Variants in RPL22 observed in about 807,000 individuals in gnomAD.
The protein encoded by RPL22 is ribosomal protein L22.
Under a neutral mutation model 16.2 loss-of-function variants are expected in RPL22, and 4 were observed. The observed-to-expected ratio is 0.25, with a 90% CI of 0.12 to 0.57. The LOEUF (loss-of-function observed/expected upper bound fraction) is 0.57, where lower values mean the gene tolerates loss of function less well. RPL22 is among the 20% of genes least tolerant of loss of function. The probability of loss-of-function intolerance (pLI) is 0.92; values close to 1 mark genes in which losing one functional copy is unlikely to be tolerated. For synonymous variants in RPL22, 43 were observed against 54.8 expected (o/e 0.78, Z 0.95); for missense variants, 83 against 156.1 (o/e 0.53, Z 2.49).
rs1667619210 is a variant in RPL22, at chr1:6,189,249, G to GCAATCA, written c.243-2434_243-2433insTGATTG. 4.7e-5 allele frequency among the ~76,000 whole-genome samples: 6 copies of GCAATCA among 128,612 alleles called. No individual in the cohort carries two copies. The Admixed American group carries it at 4.8e-4, about 10-fold the overall frequency. The allele number at this position is 128,612 out of a possible 152,430, so 84.4% of individuals were successfully genotyped here. A position where few individuals can be genotyped will look rare whatever the true frequency, so the allele number is the denominator to read the frequency against. Reference sequence around the variant, plus strand: ...CAATCTCCACACCAACAAAGCAATCGCCACAAAGTGTGAAGATCTCAATTC... The same window carrying GCAATCA: ...CAATCTCCACACCAACAAAGCAATCGCAATCACCACAAAGTGTGAAGATCTCAATTC... On this transcript the variant is annotated intron_variant, in intron 3 of 3. Transcript: ENST00000234875.
intron 1 of RPL22, chr1:6,199,240 G>T: frequency 2.5e-6 from 1 of 398,124 alleles, no homozygotes; most frequent in Non-Finnish European, 4.1e-6. Context: ...CTCCACCCAG[G>T]TAATCAGGCC....
At chr1:6,199,352 C>T in intron 1 of RPL22, 1 of 1,307,444 alleles carries the variant, frequency 7.6e-7, no homozygotes, top group Admixed American at 3.4e-5. Flanking sequence ...CGAGACCTCC[C>T]GGATCTCCCT....
intron 3 of RPL22, 130 bp downstream of exon 3, chr1:6,192,800 G>T: frequency 9.2e-7 from 1 of 1,091,978 alleles, no homozygotes. Context: ...ACTGCCTCCT[G>T]CACTGAGCAT....
intron 2 of RPL22, 152 bp from the exon 3 acceptor site, chr1:6,193,206 C>T (rs915977959): frequency 6.9e-6 from 6 of 864,682 alleles, no homozygotes; most frequent in Non-Finnish European, 9.0e-6. Context: ...ACTGCAGTCT[C>T]AACCTCCCAA....
At chr1:6,190,586 G>A (rs1428511829) in intron 3 of RPL22, among the ~76,000 whole-genome samples, 1 of 152,098 alleles carries the variant, frequency 6.6e-6, no homozygotes, top group African/African-American at 2.4e-5. Context: ...CTCCATGTTG[G>A]TCAGCTGGTC....
At chr1:6,196,912 G>A (rs1238123601) in intron 2 of RPL22, among the ~76,000 whole-genome samples, 3 of 152,216 alleles carry the variant, frequency 2.0e-5, no homozygotes, top group Non-Finnish European at 4.4e-5. Context: ...TCAAAGCAGT[G>A]AGACCCAGGA....
chr1:6,190,482 G>C (rs547471742), intron 3 of RPL22, among the ~76,000 whole-genome samples: 1 of 152,302 alleles, frequency 6.6e-6, no homozygotes, highest in South Asian at 2.1e-4. Context: ...CCTGGTTCAA[G>C]CAATTCTCCT....
chr1:6,194,313 A>G (rs1216498725), intron 2 of RPL22, among the ~76,000 whole-genome samples: 1 of 152,222 alleles, frequency 6.6e-6, no homozygotes, highest in Non-Finnish European at 1.5e-5. Context: ...ATCAGAAAAT[A>G]AGCCTTCAAC....
chr1:6,187,506 CA>C lies in RPL22; in HGVS notation c.243-691del, dbSNP rs1667597168. ...CTGGGCGCCTGTAGTCCCAGCTAGTCAGGAGGCTGAGGTAAGAGAATCGCTT... is the reference window on the plus strand; with the variant it reads ...CTGGGCGCCTGTAGTCCCAGCTAGTCGGAGGCTGAGGTAAGAGAATCGCTT... On this transcript the variant is annotated intron_variant, in intron 3 of 3. Coordinates refer to ENST00000234875, the MANE Select transcript of RPL22 (RefSeq NM_000983.4). 3.3e-5 allele frequency among the ~76,000 whole-genome samples: 5 copies of C among 149,760 alleles called. No individual in the cohort carries two copies. The Admixed American group carries it at 3.4e-4, about 10-fold the overall frequency.
chr1:6,186,607 AACC>A lies in RPL22; in HGVS notation c.*62_*64del. ...TCCACACTGCAGAGATACAAGGATA[AACC>A]ACCATTTTGGTTCCCAAGTTTTATT... On this transcript the variant is annotated 3_prime_UTR_variant, in exon 4 of 4. Coordinates refer to ENST00000234875, the MANE Select transcript of RPL22 (RefSeq NM_000983.4). The A allele has an allele frequency of 8.9e-7, 1 of 1,118,664 alleles. No homozygotes were observed. The highest frequency in any genetic ancestry group is 1.3e-6 in the Non-Finnish European group (1 of 794,690). The allele number at this position is 1,118,664 out of a possible 1,614,324, so 69.3% of individuals were successfully genotyped here.
chr1:6,189,937 T>C (rs78000590), intron 3 of RPL22, among the ~76,000 whole-genome samples: 19,910 of 151,928 alleles, frequency 0.13, 2,118 homozygotes, highest in African/African-American at 0.29. Flanking sequence ...TATAAATAAA[T>C]AAAAACCCTG....
At chr1:6,191,352 T>C in intron 3 of RPL22, among the ~76,000 whole-genome samples, 1 of 79,900 alleles carries the variant, frequency 1.3e-5, no homozygotes, top group Admixed American at 1.9e-4. Flanking sequence ...AGAGTGAGAC[T>C]CCGTCTCAAA....
chr1:6,198,040 T>G, intron 1 of RPL22: 9 of 407,408 alleles, frequency 2.2e-5, no homozygotes, highest in Non-Finnish European at 4.0e-5. Flanking sequence ...CCCCAATCTC[T>G]ACAGGCATGA....
intron 3 of RPL22, among the ~76,000 whole-genome samples, chr1:6,192,583 C>T (rs563203597): frequency 7.2e-5 from 11 of 152,228 alleles, no homozygotes; most frequent in African/African-American, 2.2e-4. Flanking sequence ...CCTGTAGTCT[C>T]AGCTACTCAG....
Position 6,186,832 on chromosome 1 carries a change from A to G in RPL22, c.243-16T>C. 1 of 1,612,980 alleles carries G rather than the reference A, an allele frequency of 6.2e-7. No individual in the cohort carries two copies. The highest frequency in any genetic ancestry group is 8.5e-7 in the Non-Finnish European group (1 of 1,179,608). ...TTTCAAATACCTGCAGAGAAAGGACACAAGAACTCCACTAGACAGTTGGTG... is the reference window on the plus strand; with the variant it reads ...TTTCAAATACCTGCAGAGAAAGGACGCAAGAACTCCACTAGACAGTTGGTG... On this transcript the variant is annotated splice_polypyrimidine_tract_variant and intron_variant, in intron 3 of 3. Transcript: ENST00000234875.
chr1:6,188,455 C>T (rs115626957), intron 3 of RPL22, among the ~76,000 whole-genome samples: 3,442 of 152,036 alleles, frequency 0.023, 111 homozygotes, highest in Admixed American at 0.095. Flanking sequence ...TTTGTGAGGC[C>T]AAGGTGAGAG....
chr1:6,190,140 A>G (rs1359196319), intron 3 of RPL22, among the ~76,000 whole-genome samples: 1 of 152,216 alleles, frequency 6.6e-6, no homozygotes, highest in Non-Finnish European at 1.5e-5. Context: ...CCTGGTAAAC[A>G]GGTCACAGAA....
chr1:6,190,206 G>A (rs1317092036), intron 3 of RPL22, among the ~76,000 whole-genome samples: 1 of 152,184 alleles, frequency 6.6e-6, no homozygotes, highest in Non-Finnish European at 1.5e-5. Context: ...CGGACGCTTT[G>A]TACCCCCACC....
chr1:6,188,792 A>ATTTTTTTTTTTTTTTTTTTT (rs764758751), intron 3 of RPL22, among the ~76,000 whole-genome samples: 1 of 143,192 alleles, frequency 7.0e-6, no homozygotes, highest in Non-Finnish European at 1.5e-5. Context: ...GATCCCTGGC[A>ATTTTTTTTTTTTTTTTTTTT]TTTTTTTTTT....
Sources: gnomAD v4.1 joint callset for allele counts (sites outside exome capture counted in the v4.1 genomes callset) on GRCh38, gnomAD v4.1.1 for gene constraint, MANE v1.5 for transcripts, NCBI Gene and HGNC (gene_info 2026-07-23, HGNC 2026-07-21) for gene names.